Variants in UBXN7 observed in about 807,000 individuals in gnomAD.
UBXN7 encodes UBX domain protein 7, also known as UBX domain-containing protein 7.
A neutral mutation model predicts 58.0 loss-of-function variants in UBXN7; 9 were observed. The observed-to-expected ratio is 0.16, with a 90% CI of 0.09 to 0.27. The LOEUF is 0.27. UBXN7 is among the 10% of genes least tolerant of loss of function. The probability of loss-of-function intolerance (pLI) is 1.00; values close to 1 mark genes in which losing one functional copy is unlikely to be tolerated. For synonymous variants in UBXN7, 208 were observed against 205.0 expected (o/e 1.01, Z -0.12); for missense variants, 328 against 599.6 (o/e 0.55, Z 4.73).
chr3:196,378,422 G>A (rs1729097807), intron 5 of UBXN7, among the ~76,000 whole-genome samples: 2 of 152,242 alleles, frequency 1.3e-5, no homozygotes, highest in East Asian at 3.9e-4. Context: ...CCTCTTCCAT[G>A]CTGTTTATTT....
Position 196,353,363 on chromosome 3 carries a change from A to G in UBXN7, c.*3322T>C, listed in dbSNP as rs1728260868. 6.6e-6 allele frequency: 1 copy of G among 152,202 alleles called. No homozygotes were observed. The highest frequency in any genetic ancestry group is 6.5e-5 in the Admixed American group (1 of 15,276). The allele number at this position is 152,202 out of a possible 1,614,324, so 9.4% of individuals were successfully genotyped here. A position where few individuals can be genotyped will look rare whatever the true frequency, so the allele number is the denominator to read the frequency against. On this transcript the variant is annotated 3_prime_UTR_variant, in exon 11 of 11. Coordinates refer to ENST00000296328, the MANE Select transcript of UBXN7 (RefSeq NM_015562.2). ...CAAAAGTATCTGGTGCATGCCAATT[A>G]GTATTAAGTTTCCTGTTCTTTTCTC...
chr3:196,429,550 T>C (rs556041465), intron 1 of UBXN7, among the ~76,000 whole-genome samples: 30 of 152,336 alleles, frequency 2.0e-4, no homozygotes, highest in African/African-American at 7.0e-4. Context: ...CATTTGTTTT[T>C]ACAAGAATAT....
intron 3 of UBXN7, chr3:196,400,057 G>A (rs1357671992): frequency 6.6e-6 from 1 of 152,144 alleles, no homozygotes; most frequent in Non-Finnish European, 1.5e-5. Context: ...TTACCTCCCG[G>A]AAGTAGGGGG....
intron 1 of UBXN7, among the ~76,000 whole-genome samples, chr3:196,413,536 C>T (rs549897609): frequency 3.3e-5 from 5 of 152,160 alleles, no homozygotes; most frequent in South Asian, 4.2e-4. Flanking sequence ...TCATACATTA[C>T]TCAAATTTGA....
rs1258544315 is a variant in UBXN7 at position 196,351,098 on chromosome 3, C to T, written c.*5587G>A. ...ATGATGGTCAAAAAAGGCAGAGAGA[C>T]GGTAAGAATGACATAATAAAGATAC... On this transcript the variant is annotated 3_prime_UTR_variant, in exon 11 of 11. Coordinates refer to ENST00000296328, the MANE Select transcript of UBXN7 (RefSeq NM_015562.2). 3 of 152,124 alleles carry T rather than the reference C, an allele frequency of 2.0e-5. No individual in the cohort carries two copies. Among genetic ancestry groups the T allele is most frequent in the African/African-American group, 7.2e-5 (3 of 41,410 alleles). The allele number at this position is 152,124 out of a possible 1,614,324, so 9.4% of individuals were successfully genotyped here.
At chr3:196,374,007 T>C (rs1159987721) in intron 5 of UBXN7, among the ~76,000 whole-genome samples, 2 of 152,230 alleles carry the variant, frequency 1.3e-5, no homozygotes, top group East Asian at 1.9e-4. Context: ...AATTCCTTGC[T>C]TATAGGAAGT....
chr3:196,421,844 C>T lies in UBXN7; in HGVS notation c.73+10483G>A, dbSNP rs927221018. ...GAAAAATGCCCCAAATCATTAGTCA[C>T]CTGAGAAATGCAAATTAAGACCACA... On this transcript the variant is annotated intron_variant, in intron 1 of 10. Transcript: ENST00000296328. Among the ~76,000 whole-genome samples, 53 of 151,794 alleles carry T rather than the reference C, an allele frequency of 3.5e-4. 1 individual carries two copies. The highest frequency in any genetic ancestry group is 9.9e-4 in the African/African-American group (41 of 41,422).
chr3:196,426,977 G>A (rs1362312199), intron 1 of UBXN7, among the ~76,000 whole-genome samples: 1 of 152,096 alleles, frequency 6.6e-6, no homozygotes, highest in African/African-American at 2.4e-5. Context: ...TTCTACAACT[G>A]AGGTTCTATA....
At chr3:196,358,151 GAATA>G (rs1195991481) in intron 10 of UBXN7, among the ~76,000 whole-genome samples, 2 of 152,150 alleles carry the variant, frequency 1.3e-5, no homozygotes, top group African/African-American at 2.4e-5. Flanking sequence ...GCGAGCTGAG[GAATA>G]AACAAAAGCC....
At chr3:196,408,514 T>C (rs1730230389) in intron 1 of UBXN7, among the ~76,000 whole-genome samples, 2 of 152,190 alleles carry the variant, frequency 1.3e-5, no homozygotes, top group Non-Finnish European at 2.9e-5. Context: ...AGAATGTAAA[T>C]TGAACATTTT....
At chr3:196,409,238 GT>G (rs894329911) in intron 1 of UBXN7, among the ~76,000 whole-genome samples, 5 of 151,922 alleles carry the variant, frequency 3.3e-5, no homozygotes, top group African/African-American at 1.2e-4. Context: ...TAGAAGTTCT[GT>G]TTTTGTTTAC....
chr3:196,390,569 G>A (rs965146691), intron 5 of UBXN7, among the ~76,000 whole-genome samples: 1 of 151,862 alleles, frequency 6.6e-6, no homozygotes, highest in Non-Finnish European at 1.5e-5. Flanking sequence ...GTGAAACCCC[G>A]TCTCTACTAA....
chr3:196,390,601 C>T (rs1197996732), intron 5 of UBXN7, among the ~76,000 whole-genome samples: 3 of 151,782 alleles, frequency 2.0e-5, no homozygotes, highest in Admixed American at 1.3e-4. Context: ...ATTAGCCAGG[C>T]GTGGTGGTGC....
chr3:196,417,736 A>C (rs1399275503), intron 1 of UBXN7, among the ~76,000 whole-genome samples: 1 of 147,082 alleles, frequency 6.8e-6, no homozygotes, highest in Non-Finnish European at 1.5e-5. Context: ...AAAAAAAAAA[A>C]AAAAAAAAAA....
intron 1 of UBXN7, among the ~76,000 whole-genome samples, chr3:196,412,655 T>C (rs1730368534): frequency 6.6e-6 from 1 of 152,086 alleles, no homozygotes; most frequent in Non-Finnish European, 1.5e-5. Flanking sequence ...TCACAGTAGG[T>C]AAAACATGGA....
chr3:196,414,821 T>G (rs1295348606), intron 1 of UBXN7: 1 of 152,216 alleles, frequency 6.6e-6, no homozygotes, highest in African/African-American at 2.4e-5. Flanking sequence ...AGTTACATTC[T>G]TCCTAAGTTC....
chr3:196,418,916 T>C (rs1577477314), intron 1 of UBXN7, among the ~76,000 whole-genome samples: 1 of 152,314 alleles, frequency 6.6e-6, no homozygotes, highest in South Asian at 2.1e-4. Context: ...AATCATTTAA[T>C]GCGAGAACCT....
At chr3:196,376,545 CAAAAAA>C (rs777458391) in intron 5 of UBXN7, among the ~76,000 whole-genome samples, 1,207 of 50,878 alleles carry the variant, frequency 0.024, 6 homozygotes, top group African/African-American at 0.07. Context: ...GACTCTGTCT[CAAAAAA>C]AAAAAAAAAA....
At chr3:196,380,046 G>A (rs557260900) in intron 5 of UBXN7, among the ~76,000 whole-genome samples, 9 of 152,216 alleles carry the variant, frequency 5.9e-5, no homozygotes, top group South Asian at 2.1e-4. Flanking sequence ...TCAGGAGATC[G>A]AGACCATCCT....
Sources: allele counts gnomAD v4.1 joint callset (sites outside exome capture counted in the v4.1 genomes callset), GRCh38; gene constraint gnomAD v4.1.1; transcripts MANE v1.5; gene names NCBI Gene and HGNC (gene_info 2026-07-23, HGNC 2026-07-21).